Variants in MGAT4C observed in about 807,000 individuals in gnomAD.
MGAT4C encodes alpha-1,3-mannosyl-glycoprotein 4-beta-N-acetylglucosaminyltransferase C.
In MGAT4C, 19 loss-of-function variants were observed where a neutral mutation model predicts 40.1. That is an observed-to-expected ratio of 0.47 (90% CI 0.33 to 0.70). The LOEUF is 0.70. MGAT4C is among the 30% of genes least tolerant of loss of function. The pLI is 0.02. For missense variants in MGAT4C, 491 were observed against 563.2 expected (o/e 0.87, Z 1.30); for synonymous variants, 181 against 187.1 (o/e 0.97, Z 0.27).
At chr12:86,568,864 G>A (rs1244338630) in intron 2 of MGAT4C, among the ~76,000 whole-genome samples, 4 of 151,758 alleles carry the variant, frequency 2.6e-5, no homozygotes, top group Non-Finnish European at 4.4e-5. Flanking sequence ...CTGGGAAAAC[G>A]GGAAATCCAT....
chr12:86,355,750 T>C (rs903829660), intron 3 of MGAT4C, among the ~76,000 whole-genome samples: 11 of 152,026 alleles, frequency 7.2e-5, no homozygotes, highest in African/African-American at 2.2e-4. Flanking sequence ...TTTAAATAAA[T>C]AGTAAAAAAA....
chr12:86,310,310 G>A (rs371519496), intron 4 of MGAT4C, among the ~76,000 whole-genome samples: 1 of 152,078 alleles, frequency 6.6e-6, no homozygotes, highest in East Asian at 1.9e-4. Context: ...ATTTCTTTTT[G>A]AAATAAACAA....
At chr12:86,722,557 T>C (rs1211304854) in intron 2 of MGAT4C, among the ~76,000 whole-genome samples, 1 of 152,220 alleles carries the variant, frequency 6.6e-6, no homozygotes, top group African/African-American at 2.4e-5. Flanking sequence ...CCTCAAAGAC[T>C]GACCTGGAGG....
At chr12:86,409,585 C>G (rs1486628966) in intron 3 of MGAT4C, among the ~76,000 whole-genome samples, 2 of 152,162 alleles carry the variant, frequency 1.3e-5, no homozygotes, top group African/African-American at 4.8e-5. Context: ...AGCCCAGCAA[C>G]TACCTGTTCA....
Position 85,979,889 on chromosome 12 carries a change from AAAC to A in MGAT4C, c.834_836del (p.Met278_Phe279delinsIle). 6.2e-7 allele frequency: 1 copy of A among 1,613,862 alleles called. No individual in the cohort carries two copies. The highest frequency in any genetic ancestry group is 1.1e-5 in the South Asian group (1 of 91,080). ...GCCAATCACAAGGCATTTCTTGATA[AAAC>A]ATTAATAAAAAATGGGCCAAACGTG... On this transcript the variant is annotated inframe_deletion, in exon 5 of 5. Transcript: ENST00000611864.
chr12:86,566,421 C>G (rs548426458), intron 2 of MGAT4C, among the ~76,000 whole-genome samples: 6 of 150,526 alleles, frequency 4.0e-5, no homozygotes, highest in African/African-American at 1.5e-4. Flanking sequence ...CATTGGACTC[C>G]AAGTTCTTCA....
rs144960689 is a variant in MGAT4C, at chr12:86,353,895, T to C, written c.-119-19768A>G. On this transcript the variant is annotated intron_variant, in intron 3 of 7. Transcript: ENST00000548651. ...TAATGAGGCAAATACTCTGGCCTCATAGCTAGAGTACCAAATCAAGGCCTC... is the reference window on the plus strand; with the variant it reads ...TAATGAGGCAAATACTCTGGCCTCACAGCTAGAGTACCAAATCAAGGCCTC... 1.9e-4 allele frequency among the ~76,000 whole-genome samples: 29 copies of C among 152,172 alleles called. No homozygotes were observed. The East Asian group carries it at 5.0e-3, about 26-fold the overall frequency.
intron 2 of MGAT4C, among the ~76,000 whole-genome samples, chr12:86,005,653 C>G (rs1190632774): frequency 6.6e-6 from 1 of 152,050 alleles, no homozygotes; most frequent in Non-Finnish European, 1.5e-5. Context: ...TCTGTAAGTA[C>G]CAGAAGTGAA....
intron 2 of MGAT4C, among the ~76,000 whole-genome samples, chr12:86,020,761 C>T (rs1889627380): frequency 6.6e-6 from 1 of 152,150 alleles, no homozygotes; most frequent in Non-Finnish European, 1.5e-5. Context: ...TAAAGAGCTT[C>T]TGCACAGCAA....
In MGAT4C at chr12:86,708,246, G is replaced by A. The variant is rs12316935; in HGVS notation, c.-229+18963C>T. The stretch of plus-strand genomic sequence containing the variant: ...GAGGCAAAAGTACAGCTTGGACCAC[G>A]GCTTCAGAGAGTGCAAGCCTCAAGC... On this transcript the variant is annotated intron_variant, in intron 2 of 7. Transcript: ENST00000548651. Among the ~76,000 whole-genome samples the A allele has an allele frequency of 6.6e-3, 1,011 of 152,354 alleles. 13 individuals are homozygous for A. Among genetic ancestry groups the A allele is most frequent in the African/African-American group, 0.023 (974 of 41,590 alleles).
At chr12:86,665,620 C>G (rs1285899771) in intron 2 of MGAT4C, among the ~76,000 whole-genome samples, 1 of 152,154 alleles carries the variant, frequency 6.6e-6, no homozygotes, top group Non-Finnish European at 1.5e-5. Flanking sequence ...ATCCACCCAC[C>G]TCGGCCTCCC....
In MGAT4C at chr12:86,405,922, TATA is replaced by T. The variant is rs1451690646; in HGVS notation, c.-120+29232_-120+29234del. 5.0e-3 allele frequency among the ~76,000 whole-genome samples: 138 copies of T among 27,372 alleles called. 1 individual carries two copies. The highest frequency in any genetic ancestry group is 0.026 in the African/African-American group (96 of 3,696). The allele number at this position is 27,372 out of a possible 152,430, so 18.0% of individuals were successfully genotyped here. On this transcript the variant is annotated intron_variant, in intron 3 of 7. Coordinates refer to the MGAT4C transcript ENST00000548651. ...CATACATAGGTAATATGTATGTATT[TATA>T]TTATACATACATTTATAAATACATG...
Position 85,972,584 on chromosome 12 carries a change from G to C in MGAT4C, c.*6705C>G, listed in dbSNP as rs1180059464. Reference sequence around the variant, plus strand: ...TTACCGAGTTTATTTTCTAAGGGTAGTGAATAACTCCTGACAACTACTGAT... The same window carrying C: ...TTACCGAGTTTATTTTCTAAGGGTACTGAATAACTCCTGACAACTACTGAT... On this transcript the variant is annotated 3_prime_UTR_variant, in exon 5 of 5. Coordinates refer to ENST00000611864, the MANE Select transcript of MGAT4C (RefSeq NM_001351288.2). 11 of 151,162 alleles carry C rather than the reference G, an allele frequency of 7.3e-5. No individual in the cohort carries two copies. 9.4% of individuals were successfully genotyped at this position (151,162 alleles called of 1,614,324 possible). A position where few individuals can be genotyped will look rare whatever the true frequency, so the allele number is the denominator to read the frequency against.
chr12:86,097,594 A>G (rs543127881), intron 1 of MGAT4C, among the ~76,000 whole-genome samples: 1 of 151,758 alleles, frequency 6.6e-6, no homozygotes, highest in East Asian at 1.9e-4. Flanking sequence ...ACCAGAGAGT[A>G]TACATCTTTG....
chr12:86,588,853 A>AC (rs1961189619), intron 2 of MGAT4C, among the ~76,000 whole-genome samples: 2 of 151,878 alleles, frequency 1.3e-5, no homozygotes, highest in Non-Finnish European at 2.9e-5. Context: ...TTTGAAACCA[A>AC]CGAGAACAAA....
chr12:86,620,031 A>G (rs1962587271), intron 2 of MGAT4C, among the ~76,000 whole-genome samples: 2 of 152,138 alleles, frequency 1.3e-5, no homozygotes. Context: ...AATCATACAC[A>G]AGTCAGAATG....
At chr12:86,296,862 G>T (rs979394484) in intron 4 of MGAT4C, among the ~76,000 whole-genome samples, 2 of 152,244 alleles carry the variant, frequency 1.3e-5, no homozygotes, top group African/African-American at 4.8e-5. Context: ...GCGGGCCAAA[G>T]GGCTCCTCAA....
intron 1 of MGAT4C, among the ~76,000 whole-genome samples, chr12:86,833,726 C>A (rs1344706661): frequency 6.6e-6 from 1 of 151,844 alleles, no homozygotes; most frequent in Admixed American, 6.6e-5. Flanking sequence ...TAGGGAGACG[C>A]AATTCAAACC....
intron 2 of MGAT4C, among the ~76,000 whole-genome samples, chr12:86,556,622 C>T (rs1010892768): frequency 2.4e-4 from 37 of 152,092 alleles, no homozygotes; most frequent in African/African-American, 8.2e-4. Context: ...TTTAAAAAGC[C>T]GTAATGCATG....
Sources: allele counts gnomAD v4.1 joint callset (sites outside exome capture counted in the v4.1 genomes callset), GRCh38; gene constraint gnomAD v4.1.1; transcripts MANE v1.5; gene names NCBI Gene and HGNC (gene_info 2026-07-23, HGNC 2026-07-21).